The following GPATCH2L variants were observed in gnomAD, a reference collection of about 807,000 sequenced individuals.
The protein encoded by GPATCH2L is G patch domain-containing protein 2-like.
In GPATCH2L, 31 loss-of-function variants were observed where a neutral mutation model predicts 57.4. The observed-to-expected ratio is 0.54, with a 90% CI of 0.41 to 0.73. GPATCH2L has a LOEUF of 0.73. GPATCH2L is among the 30% of genes least tolerant of loss of function. The pLI, the probability that GPATCH2L is intolerant of heterozygous loss-of-function variation, is 0.00. For missense variants in GPATCH2L, 481 were observed against 599.9 expected, an observed-to-expected ratio of 0.80 and a Z score of 2.07; for synonymous variants, 199 against 210.7, an observed-to-expected ratio of 0.94 and a Z score of 0.48.
At position 76,154,977 on chromosome 14, in the gene GPATCH2L, G is replaced by A; in HGVS notation, c.614G>A (p.Cys205Tyr). 1 of 1,613,844 alleles carries A rather than the reference G, an allele frequency of 6.2e-7. No individual in the cohort carries two copies. Among genetic ancestry groups the A allele is most frequent in the Non-Finnish European group, 8.5e-7 (1 of 1,179,992 alleles). Residue 205 changes from cysteine (C) to tyrosine (Y), a missense_variant, in exon 2 of 10, where the codon TGT becomes TAT. Transcript: ENST00000261530. This position sits in a 1 kb window ranked among gnomAD's most constrained non-coding sequence, Gnocchi z 4.4. The part of the protein sequence containing the change: ...SKTGRKERME[C>Y]ETDEQKQGSD... ...ACAGGAAGGAAAGAAAGGATGGAGT[G>A]TGAAACAGATGAACAAAAACAGGGC...
intron 7 of GPATCH2L, chr14:76,178,789 G>C (rs1038780520): frequency 6.6e-6 from 1 of 152,398 alleles, no homozygotes; most frequent in Non-Finnish European, 1.5e-5. Context: ...CTCACCTCCT[G>C]CTGTGCGGCC....
At chr14:76,168,539 G>A (rs1040778509) in intron 3 of GPATCH2L, among the ~76,000 whole-genome samples, 3 of 152,178 alleles carry the variant, frequency 2.0e-5, no homozygotes, top group Non-Finnish European at 4.4e-5. Flanking sequence ...CATCTACTCA[G>A]TGTATTGTAT....
rs1263383854 is a variant in GPATCH2L, at chr14:76,204,521, G to T, written c.*2670G>T. Reference sequence around the variant, plus strand: ...TTCCAGAGGATAGCCTTAGAAATGAGTGTATTTTGAATCTTAAAGTTTCTT... The same window carrying T: ...TTCCAGAGGATAGCCTTAGAAATGATTGTATTTTGAATCTTAAAGTTTCTT... On this transcript the variant is annotated 3_prime_UTR_variant, in exon 10 of 10. Coordinates refer to ENST00000261530, the MANE Select transcript of GPATCH2L (RefSeq NM_017926.4). 1.3e-5 allele frequency: 2 copies of T among 152,188 alleles called. No homozygotes were observed. Among genetic ancestry groups the T allele is most frequent in the Non-Finnish European group, 2.9e-5 (2 of 68,034 alleles). 9.4% of individuals were successfully genotyped at this position (152,188 alleles called of 1,614,324 possible).
At chr14:76,167,686 G>A (rs1445802525) in intron 3 of GPATCH2L, among the ~76,000 whole-genome samples, 2 of 152,296 alleles carry the variant, frequency 1.3e-5, no homozygotes, top group African/African-American at 4.8e-5. Context: ...CTGTAATGGA[G>A]GTTGTTGTGA....
At chr14:76,189,441 G>A (rs1193575940) in intron 8 of GPATCH2L, among the ~76,000 whole-genome samples, 1 of 151,280 alleles carries the variant, frequency 6.6e-6, no homozygotes, top group Non-Finnish European at 1.5e-5. Context: ...TAATTCCTAG[G>A]TATTTAATTT....
intron 3 of GPATCH2L, 62 bp downstream of exon 3, chr14:76,166,789 T>G (rs1176149145): frequency 9.0e-7 from 1 of 1,113,078 alleles, no homozygotes; most frequent in Non-Finnish European, 1.4e-6. Flanking sequence ...TGAATAATCA[T>G]AGGAGTGACT....
chr14:76,165,914 A>G (rs1294914386), intron 2 of GPATCH2L, among the ~76,000 whole-genome samples: 1 of 152,218 alleles, frequency 6.6e-6, no homozygotes, highest in Non-Finnish European at 1.5e-5. Context: ...AATAATCCCA[A>G]TCAAAGAAAT....
At chr14:76,192,770 A>G (rs1428423523) in intron 8 of GPATCH2L, among the ~76,000 whole-genome samples, 1 of 152,200 alleles carries the variant, frequency 6.6e-6, no homozygotes, top group Non-Finnish European at 1.5e-5. Context: ...ACAAAAGTAT[A>G]TACTTTTACA....
chr14:76,176,710 C>T lies in GPATCH2L; in HGVS notation c.1052+20C>T, dbSNP rs370077733. On this transcript the variant is annotated intron_variant, in intron 6 of 9. Coordinates refer to ENST00000261530, the MANE Select transcript of GPATCH2L (RefSeq NM_017926.4). Reference sequence around the variant, plus strand: ...GAAAGAGTAAGTGCTTATGTATTTACTGGCTGTGCTAGTCTGCTCCTTGGA... The same window carrying T: ...GAAAGAGTAAGTGCTTATGTATTTATTGGCTGTGCTAGTCTGCTCCTTGGA... 1.3e-6 allele frequency: 2 copies of T among 1,525,520 alleles called. No individual in the cohort carries two copies. Among genetic ancestry groups the T allele is most frequent in the Non-Finnish European group, 9.1e-7 (1 of 1,099,310 alleles). 94.5% of individuals were successfully genotyped at this position (1,525,520 alleles called of 1,614,324 possible).
rs904740386 is a variant in GPATCH2L, at chr14:76,199,616, C to T, written c.1289-2075C>T. On this transcript the variant is annotated intron_variant, in intron 9 of 9. Coordinates refer to ENST00000261530, the MANE Select transcript of GPATCH2L (RefSeq NM_017926.4). ...AACAAGTGCAAACATTCTTTTAGGC[C>T]ACTTCCTGCTCATTAGGATGGCTAT... 2.0e-5 allele frequency among the ~76,000 whole-genome samples: 3 copies of T among 152,132 alleles called. No individual in the cohort carries two copies. In the South Asian group the frequency reaches 6.2e-4, roughly 31 times the overall value.
Position 76,201,756 on chromosome 14 carries a change from T to G in GPATCH2L, c.1354T>G (p.Trp452Gly), listed in dbSNP as rs2040315466. The G allele has an allele frequency of 1.9e-6, 3 of 1,613,660 alleles. No homozygotes were observed. In the African/African-American group the frequency reaches 4.0e-5, roughly 22 times the overall value. Residue 452 changes from tryptophan to glycine, a missense_variant, in exon 10 of 10, where the codon TGG becomes GGG. By Grantham distance (184) the Trp-to-Gly change is radical. Around this residue, in one of 3 missense-constraint regions of GPATCH2L, gnomAD observed 248 missense variants for 270.5 expected, o/e 0.92. Coordinates refer to ENST00000261530, the MANE Select transcript of GPATCH2L (RefSeq NM_017926.4). ...SQAPKSPSSE[W>G]LVRTSAAEKA... Reference sequence around the variant, plus strand: ...AGCCCCCAAATCACCCAGCTCTGAGTGGTTGGTGAGGACCTCTGCAGCAGA... The same window carrying G: ...AGCCCCCAAATCACCCAGCTCTGAGGGGTTGGTGAGGACCTCTGCAGCAGA...
chr14:76,173,723 T>C lies in GPATCH2L; in HGVS notation c.984+98T>C, dbSNP rs578009938. ...CAATCAGAGGTGCTACAGAACTCCC[T>C]GAAGTTAATGGAGCCAACTGGAATG... On this transcript the variant is annotated intron_variant, in intron 5 of 9. Coordinates refer to ENST00000261530, the MANE Select transcript of GPATCH2L (RefSeq NM_017926.4). 2.5e-5 allele frequency: 20 copies of C among 796,366 alleles called. No homozygotes were observed. In the South Asian group the frequency reaches 2.8e-4, roughly 11 times the overall value. The allele number at this position is 796,366 out of a possible 1,614,324, so 49.3% of individuals were successfully genotyped here. A position where few individuals can be genotyped will look rare whatever the true frequency, so the allele number is the denominator to read the frequency against.
At chr14:76,230,270 A>G (rs1403776238) in intron 2 of GPATCH2L, 1 of 152,218 alleles carries the variant, frequency 6.6e-6, no homozygotes, top group East Asian at 1.9e-4. Context: ...TGGATGTAGC[A>G]TGTGTGTGTT....
chr14:76,175,106 T>C (rs1409439881), intron 5 of GPATCH2L: 2 of 152,204 alleles, frequency 1.3e-5, no homozygotes, highest in South Asian at 4.1e-4. Context: ...GTTTTACTTT[T>C]ATTGTTTAGG....
At chr14:76,192,158 A>G (rs1283378767) in intron 8 of GPATCH2L, among the ~76,000 whole-genome samples, 2 of 141,028 alleles carry the variant, frequency 1.4e-5, no homozygotes, top group African/African-American at 2.7e-5. Context: ...ATAGTATTCC[A>G]TTGTGTAGCA....
chr14:76,168,442 C>T (rs758920788), intron 3 of GPATCH2L, among the ~76,000 whole-genome samples: 2 of 152,216 alleles, frequency 1.3e-5, no homozygotes, highest in Non-Finnish European at 2.9e-5. Context: ...TTACCATACT[C>T]ATTTCTTGCT....
chr14:76,156,852 G>A (rs1301077178), intron 2 of GPATCH2L, among the ~76,000 whole-genome samples: 1 of 152,202 alleles, frequency 6.6e-6, no homozygotes, highest in South Asian at 2.1e-4. Context: ...TTTCTAGCAT[G>A]AGATGCTTCA....
rs2039107482 is a variant in GPATCH2L, at chr14:76,171,996, T to C, written c.881T>C (p.Leu294Ser). 1 of 1,611,518 alleles carries C rather than the reference T, an allele frequency of 6.2e-7. No individual in the cohort carries two copies. Among genetic ancestry groups the C allele is most frequent in the Non-Finnish European group, 8.5e-7 (1 of 1,178,774 alleles). Residue 294 changes from leucine to serine, a missense_variant, in exon 4 of 10, where the codon TTA (leucine) becomes TCA (serine). Leu to Ser is a moderately radical substitution (Grantham distance 145). Coordinates refer to ENST00000261530, the MANE Select transcript of GPATCH2L (RefSeq NM_017926.4). ...AAATTTTCAGATTCCACATTCCTTT[T>C]ACCTTCTCGGCCAGCTCAAAGAGGT... ...LDKFSDSTFL[L>S]PSRPAQRGYH... is the part of the protein sequence containing the mutation.
chr14:76,216,855 T>G (rs149776626), downstream of GPATCH2L, among the ~76,000 whole-genome samples: 533 of 152,216 alleles, frequency 3.5e-3, 6 homozygotes, highest in African/African-American at 0.012. Flanking sequence ...TATAGAAAAT[T>G]CTGAAACAGG....
Sources: gnomAD v4.1 joint callset for allele counts (sites outside exome capture counted in the v4.1 genomes callset) on GRCh38, gnomAD v4.1.1 for gene constraint, gnomAD v4.1.1 regional missense constraint, Gnocchi (gnomAD v3.1) non-coding constraint, MANE v1.5 for transcripts, NCBI Gene and HGNC (gene_info 2026-07-23, HGNC 2026-07-21) for gene names.